The following ARL8B variants were observed in gnomAD, a reference collection of about 807,000 sequenced individuals.
ARL8B encodes the protein ARF like GTPase 8B, also known as ADP-ribosylation factor-like protein 8B.
In ARL8B, 9 loss-of-function variants were observed where a neutral mutation model predicts 30.6. The ratio of observed to expected loss-of-function variants is 0.29; its 90% CI spans 0.18 to 0.51. The LOEUF is 0.51. Among genes scored for constraint, ARL8B ranks in the 20% least tolerant of loss-of-function variants. The pLI is 0.97. For missense variants in ARL8B, 130 were observed against 227.2 expected (o/e 0.57, Z 2.75); for synonymous variants, 74 against 76.0 (o/e 0.97, Z 0.14).
chr3:5,164,350 C>CT (rs2054606729), intron 1 of ARL8B, among the ~76,000 whole-genome samples: 1 of 152,062 alleles, frequency 6.6e-6, no homozygotes, highest in Non-Finnish European at 1.5e-5. Context: ...GATTTGTCTT[C>CT]TGTTTTGAGA....
chr3:5,171,312 G>A (rs982205198), intron 2 of ARL8B, among the ~76,000 whole-genome samples: 1 of 152,040 alleles, frequency 6.6e-6, no homozygotes, highest in Non-Finnish European at 1.5e-5. Context: ...ATAATAAAAT[G>A]ATTATGGATG....
At chr3:5,164,631 A>T (rs2054609119) in intron 1 of ARL8B, among the ~76,000 whole-genome samples, 1 of 152,084 alleles carries the variant, frequency 6.6e-6, no homozygotes, top group African/African-American at 2.4e-5. Context: ...AAGATTAGGG[A>T]TGTTCTTTTA....
intron 1 of ARL8B, among the ~76,000 whole-genome samples, chr3:5,162,417 G>C (rs112902847): frequency 1.2e-4 from 19 of 152,226 alleles, no homozygotes; most frequent in Non-Finnish European, 2.2e-4. Context: ...GGAAGAGTTA[G>C]ATTTGTTTGA....
chr3:5,177,363 G>A (rs909306294), intron 6 of ARL8B, among the ~76,000 whole-genome samples: 15 of 151,894 alleles, frequency 9.9e-5, no homozygotes, highest in South Asian at 8.3e-4. Context: ...TCTTATTTCT[G>A]TTGTCTTTTT....
chr3:5,159,625 A>G (rs1010442943), intron 1 of ARL8B, among the ~76,000 whole-genome samples: 30 of 141,518 alleles, frequency 2.1e-4, no homozygotes, highest in Non-Finnish European at 4.2e-4. Context: ...AAAAAAAAAA[A>G]GAGAAAAAGA....
At chr3:5,123,297 G>A (rs1008668285) in intron 1 of ARL8B, among the ~76,000 whole-genome samples, 1 of 152,206 alleles carries the variant, frequency 6.6e-6, no homozygotes, top group Non-Finnish European at 1.5e-5. Flanking sequence ...AGAGGAGTTG[G>A]TCTTTAAATG....
intron 1 of ARL8B, among the ~76,000 whole-genome samples, chr3:5,159,583 C>G (rs1273365311): frequency 2.6e-5 from 1 of 39,062 alleles, no homozygotes; most frequent in East Asian, 6.8e-4. Context: ...GCCTGGGCAA[C>G]AAGAATGAAA....
chr3:5,136,897 A>G (rs775820213), intron 1 of ARL8B, among the ~76,000 whole-genome samples: 48 of 152,124 alleles, frequency 3.2e-4, no homozygotes, highest in Admixed American at 7.2e-4. Context: ...ACTTTGCCCT[A>G]ACTCGTCTCC....
At chr3:5,158,677 A>C (rs903734135) in intron 1 of ARL8B, among the ~76,000 whole-genome samples, 5 of 152,316 alleles carry the variant, frequency 3.3e-5, no homozygotes, top group Non-Finnish European at 7.4e-5. Context: ...TTATTACCTG[A>C]AAAAATGAAC....
At chr3:5,143,032 T>A (rs2054388281) in intron 1 of ARL8B, among the ~76,000 whole-genome samples, 1 of 152,244 alleles carries the variant, frequency 6.6e-6, no homozygotes, top group Non-Finnish European at 1.5e-5. Flanking sequence ...AGCTGGGGCA[T>A]GGTAATGCCA....
intron 1 of ARL8B, among the ~76,000 whole-genome samples, chr3:5,155,814 G>A (rs1228565170): frequency 1.4e-5 from 2 of 148,066 alleles, no homozygotes; most frequent in Admixed American, 6.7e-5. Context: ...TATTTTGTTC[G>A]TACATAGTTT....
At chr3:5,128,035 A>G (rs898911603) in intron 1 of ARL8B, among the ~76,000 whole-genome samples, 2 of 151,376 alleles carry the variant, frequency 1.3e-5, no homozygotes, top group African/African-American at 2.4e-5. Flanking sequence ...TAAAAATACA[A>G]AAATTAGCCT....
chr3:5,150,118 G>A lies in ARL8B; in HGVS notation c.124-20385G>A, dbSNP rs549628804. On this transcript the variant is annotated intron_variant, in intron 1 of 6. Transcript: ENST00000256496. ...ATAAAATGAGTTTGGAAGTGTTCGT[G>A]CCTCTTCTGTTTTTGGAGATTATGT... Among the ~76,000 whole-genome samples the A allele has an allele frequency of 4.6e-5, 7 of 152,256 alleles. No homozygotes were observed. In the East Asian group the frequency reaches 1.3e-3, roughly 29 times the overall value.
At chr3:5,166,674 C>G (rs1188876265) in intron 1 of ARL8B, among the ~76,000 whole-genome samples, 3 of 152,164 alleles carry the variant, frequency 2.0e-5, no homozygotes, top group Admixed American at 2.0e-4. Flanking sequence ...CCTTTCATTA[C>G]TGGAGGTTCA....
chr3:5,178,350 CTTTTT>C (rs376669879), intron 6 of ARL8B, among the ~76,000 whole-genome samples: 2 of 115,316 alleles, frequency 1.7e-5, no homozygotes, highest in African/African-American at 3.3e-5. Context: ...GGGGTTATTC[CTTTTT>C]TTTTTTTTTT....
At chr3:5,138,190 G>GTTTT (rs35653002) in intron 1 of ARL8B, among the ~76,000 whole-genome samples, 1 of 141,474 alleles carries the variant, frequency 7.1e-6, no homozygotes, top group Non-Finnish European at 1.5e-5. Context: ...ATTGCTCTAA[G>GTTTT]TTTTTTTTTT....
chr3:5,151,166 G>T (rs2106562528), intron 1 of ARL8B, among the ~76,000 whole-genome samples: 1 of 152,122 alleles, frequency 6.6e-6, no homozygotes, highest in South Asian at 2.1e-4. Flanking sequence ...TCTGTGTTCA[G>T]TATTATTTAC....
chr3:5,124,475 T>C (rs898712735), intron 1 of ARL8B, among the ~76,000 whole-genome samples: 2 of 151,782 alleles, frequency 1.3e-5, no homozygotes, highest in African/African-American at 4.8e-5. Flanking sequence ...TTTTTTCTTT[T>C]CTTTTTTGGA....
intron 6 of ARL8B, among the ~76,000 whole-genome samples, chr3:5,174,700 A>ATGTAT (rs1320664160): frequency 2.6e-5 from 2 of 75,670 alleles, no homozygotes; most frequent in East Asian, 5.9e-4. Flanking sequence ...TATATGTAAT[A>ATGTAT]TATATGTAAT....
Sources: allele counts gnomAD v4.1 joint callset (sites outside exome capture counted in the v4.1 genomes callset), GRCh38; gene constraint gnomAD v4.1.1; transcripts MANE v1.5; gene names NCBI Gene and HGNC (gene_info 2026-07-23, HGNC 2026-07-21).